The following KDM4C variants were observed in gnomAD, a reference collection of about 807,000 sequenced individuals.
KDM4C encodes the protein lysine demethylase 4C, also known as lysine-specific demethylase 4C.
KDM4C carries 81 observed loss-of-function variants against 129.3 expected under a neutral mutation model. The ratio of observed to expected loss-of-function variants is 0.63; its 90% CI spans 0.52 to 0.75. The LOEUF (loss-of-function observed/expected upper bound fraction) is 0.75. Among genes scored for constraint, KDM4C ranks in the 30% least tolerant of loss-of-function variants. KDM4C has a pLI of 0.00. For missense variants in KDM4C, 1,457 were observed against 1,304.0 expected (o/e 1.12, Z -1.81); for synonymous variants, 573 against 456.1 (o/e 1.26, Z -3.26).
chr9:7,075,362 C>T (rs562286326), intron 17 of KDM4C, among the ~76,000 whole-genome samples: 41 of 152,090 alleles, frequency 2.7e-4, no homozygotes, highest in Non-Finnish European at 5.1e-4. Context: ...GAAACTCGAT[C>T]CCAGTGTGGC....
chr9:7,174,737 A>G lies in KDM4C; in HGVS notation c.*8A>G, dbSNP rs756865026. 5 of 1,611,520 alleles carry G rather than the reference A, an allele frequency of 3.1e-6. No individual in the cohort carries two copies. In the South Asian group the frequency reaches 3.3e-5, roughly 11 times the overall value. ...TGCCAGAAGAGACAGTAGTCTGCATACATCGCTGCAGGCCACAGAGCAGCT... is the reference window on the plus strand; with the variant it reads ...TGCCAGAAGAGACAGTAGTCTGCATGCATCGCTGCAGGCCACAGAGCAGCT... On this transcript the variant is annotated 3_prime_UTR_variant, in exon 22 of 22. Coordinates refer to ENST00000381309, the MANE Select transcript of KDM4C (RefSeq NM_015061.6).
At chr9:6,932,387 T>G (rs141786953) in intron 8 of KDM4C, among the ~76,000 whole-genome samples, 1 of 152,326 alleles carries the variant, frequency 6.6e-6, no homozygotes, top group African/African-American at 2.4e-5. Context: ...AGGAAGAATC[T>G]GTAATCCATA....
chr9:6,911,228 A>G (rs1259056376), intron 8 of KDM4C, among the ~76,000 whole-genome samples: 1 of 152,182 alleles, frequency 6.6e-6, no homozygotes, highest in African/African-American at 2.4e-5. Context: ...AGGATGAGGG[A>G]AAAAAACCTC....
chr9:7,173,388 T>A (rs1845150562), intron 21 of KDM4C, among the ~76,000 whole-genome samples: 1 of 152,058 alleles, frequency 6.6e-6, no homozygotes, highest in African/African-American at 2.4e-5. Context: ...TCTGGCCAGG[T>A]TATGTAGGTC....
intron 8 of KDM4C, among the ~76,000 whole-genome samples, chr9:6,907,944 T>A (rs539387249): frequency 6.6e-6 from 1 of 152,322 alleles, no homozygotes; most frequent in East Asian, 1.9e-4. Context: ...CAAAGATTCA[T>A]AGACAGTGTG....
chr9:7,173,264 C>G (rs1173854189), intron 21 of KDM4C, among the ~76,000 whole-genome samples: 1 of 152,200 alleles, frequency 6.6e-6, no homozygotes, highest in African/African-American at 2.4e-5. Context: ...AATAGAATAA[C>G]TTTCACAGAA....
intron 15 of KDM4C, among the ~76,000 whole-genome samples, chr9:7,039,045 A>T (rs942276010): frequency 1.6e-4 from 24 of 151,672 alleles, no homozygotes; most frequent in African/African-American, 5.8e-4. Context: ...TTAAATTTTG[A>T]TATGTATCTT....
In KDM4C at chr9:6,776,805, A is replaced by G. The variant is rs1805665329; in HGVS notation, c.-17-16167A>G. The stretch of plus-strand genomic sequence containing the variant: ...TTTTTAGTAGAGACAGGGTTTCACC[A>G]TCTTGGCCAGTGGGTCTCAAACTCC... On this transcript the variant is annotated intron_variant, in intron 1 of 21. Transcript: ENST00000381309. Among the ~76,000 whole-genome samples the G allele has an allele frequency of 1.3e-5, 2 of 151,068 alleles. 1 individual carries two copies. The highest frequency in any genetic ancestry group is 1.3e-4 in the Admixed American group (2 of 15,098).
At chr9:6,788,124 G>A (rs1331328748) in intron 1 of KDM4C, among the ~76,000 whole-genome samples, 3 of 152,052 alleles carry the variant, frequency 2.0e-5, no homozygotes, top group Non-Finnish European at 4.4e-5. Flanking sequence ...TTCCTCCGAA[G>A]TACCTTCCCT....
chr9:6,859,518 AGAC>A (rs1400441304), intron 5 of KDM4C, among the ~76,000 whole-genome samples: 1 of 147,106 alleles, frequency 6.8e-6, no homozygotes, highest in East Asian at 2.1e-4. Context: ...CTGGTAACAC[AGAC>A]GACAGATGTC....
chr9:6,940,955 T>A (rs761098297), intron 8 of KDM4C, among the ~76,000 whole-genome samples: 11 of 152,172 alleles, frequency 7.2e-5, no homozygotes, highest in Non-Finnish European at 1.0e-4. Flanking sequence ...ATATTTGTTC[T>A]TTACTTAATA....
At chr9:6,916,125 T>C (rs1178737116) in intron 8 of KDM4C, among the ~76,000 whole-genome samples, 4 of 152,146 alleles carry the variant, frequency 2.6e-5, no homozygotes, top group African/African-American at 9.7e-5. Context: ...AGATGGGGGC[T>C]AGATGTGGTA....
intron 4 of KDM4C, chr9:6,835,141 G>T (rs1835650475): frequency 2.0e-6 from 2 of 982,458 alleles, no homozygotes; most frequent in African/African-American, 3.2e-5. Context: ...GGCCATGGCG[G>T]CTTCCAGCTC....
Position 7,019,919 on chromosome 9 carries a change from G to GAGTCAATAA in KDM4C, c.2259+3991_2259+3999dup, listed in dbSNP as rs1824480250. 4.0e-5 allele frequency among the ~76,000 whole-genome samples: 6 copies of GAGTCAATAA among 151,748 alleles called. No homozygotes were observed. In the South Asian group the frequency reaches 1.2e-3, roughly 32 times the overall value. ...AAAGTGGAGGGTGTACGCATGGCTG[G>GAGTCAATAA]AGTCAATAATCATAGATCAGCTCTC... On this transcript the variant is annotated intron_variant, in intron 15 of 21. Coordinates refer to ENST00000381309, the MANE Select transcript of KDM4C (RefSeq NM_015061.6).
chr9:7,078,779 A>G lies in KDM4C; in HGVS notation c.2425-24906A>G, dbSNP rs16925294. ...TTCTTAAATATCTTGAAATCAATCT[A>G]TACTTATCTGTTGGATGTAACTTAC... On this transcript the variant is annotated intron_variant, in intron 17 of 21. Transcript: ENST00000381309. Among the ~76,000 whole-genome samples, 1,429 of 152,326 alleles carry G rather than the reference A, an allele frequency of 9.4e-3. 23 individuals are homozygous for G. The highest frequency in any genetic ancestry group is 0.027 in the African/African-American group (1,103 of 41,568).
chr9:6,970,970 A>G (rs963362685), intron 8 of KDM4C, among the ~76,000 whole-genome samples: 2 of 152,106 alleles, frequency 1.3e-5, no homozygotes, highest in African/African-American at 2.4e-5. Context: ...CCATGAGGAA[A>G]GGGTTTTGCA....
In KDM4C at chr9:7,067,836, C is replaced by T. The variant is rs907508266; in HGVS notation, c.2424+18636C>T. 2.0e-5 allele frequency among the ~76,000 whole-genome samples: 3 copies of T among 151,868 alleles called. No homozygotes were observed. The East Asian group carries it at 5.8e-4, about 29-fold the overall frequency. On this transcript the variant is annotated intron_variant, in intron 17 of 21. Transcript: ENST00000381309. ...TTTGAGATGAAGTCTTGCCCTGTTG[C>T]CCAGGATGGAGTGCAGTGGTGCGAT...
chr9:7,156,890 A>G (rs1313065134), intron 19 of KDM4C, among the ~76,000 whole-genome samples: 1 of 152,236 alleles, frequency 6.6e-6, no homozygotes, highest in African/African-American at 2.4e-5. Context: ...TTCTGTGAAG[A>G]AAGTCATTGG....
Position 6,986,449 on chromosome 9 carries a change from C to G in KDM4C, c.1460C>G (p.Ser487Cys), listed in dbSNP as rs1817720781. ...VPSISSEADD[S>C]IPLSSGYEKP... Reference sequence around the variant, plus strand: ...TCTATATCCAGTGAGGCTGATGATTCCATTCCATTGTCTAGTGGCTATGAG... The same window carrying G: ...TCTATATCCAGTGAGGCTGATGATTGCATTCCATTGTCTAGTGGCTATGAG... The change falls in exon 11 of 22, where the codon TCC (serine) becomes TGC (cysteine). Residue 487 changes from serine (S) to cysteine (C), a missense_variant. Transcript: ENST00000381309. The G allele has an allele frequency of 2.5e-6, 4 of 1,614,080 alleles. No individual in the cohort carries two copies. Among genetic ancestry groups the G allele is most frequent in the Non-Finnish European group, 3.4e-6 (4 of 1,179,946 alleles).
Sources: gnomAD v4.1 joint callset for allele counts (sites outside exome capture counted in the v4.1 genomes callset) on GRCh38, gnomAD v4.1.1 for gene constraint, MANE v1.5 for transcripts, NCBI Gene and HGNC (gene_info 2026-07-23, HGNC 2026-07-21) for gene names.